Variants in ELAVL2 observed in about 807,000 individuals in gnomAD.
ELAVL2 encodes ELAV like RNA binding protein 2.
Under a neutral mutation model 34.6 loss-of-function variants are expected in ELAVL2, and 4 were observed. The observed-to-expected ratio is 0.12, with a 90% CI of 0.06 to 0.26. The LOEUF (loss-of-function observed/expected upper bound fraction) is 0.26, where lower values mean the gene tolerates loss of function less well. Among genes scored for constraint, ELAVL2 ranks in the 10% least tolerant of loss-of-function variants. The probability of loss-of-function intolerance (pLI) is 1.00; values close to 1 mark genes in which losing one functional copy is unlikely to be tolerated. For missense variants in ELAVL2, 432 were observed against 442.8 expected, an observed-to-expected ratio of 0.98 and a Z score of 0.22; for synonymous variants, 193 against 154.8, an observed-to-expected ratio of 1.25 and a Z score of -1.83.
intron 5 of ELAVL2, among the ~76,000 whole-genome samples, chr9:23,696,153 C>A (rs887699153): frequency 6.6e-6 from 1 of 152,106 alleles, no homozygotes; most frequent in African/African-American, 2.4e-5. Context: ...CCATCACCAA[C>A]GAGTGTAGGG....
chr9:23,770,235 T>G (rs2057066769), intron 1 of ELAVL2, among the ~76,000 whole-genome samples: 1 of 151,882 alleles, frequency 6.6e-6, no homozygotes, highest in Non-Finnish European at 1.5e-5. Flanking sequence ...TAGAGAAGAA[T>G]AAGGGGGGTT....
chr9:23,738,498 C>T (rs528356697), intron 2 of ELAVL2, among the ~76,000 whole-genome samples: 17 of 152,244 alleles, frequency 1.1e-4, no homozygotes, highest in Non-Finnish European at 2.2e-4. Context: ...TTCCTGAAAG[C>T]TGGGAGCATT....
chr9:23,728,228 A>G (rs187124753), intron 3 of ELAVL2, among the ~76,000 whole-genome samples: 28 of 152,206 alleles, frequency 1.8e-4, no homozygotes, highest in Admixed American at 1.4e-3. Flanking sequence ...AAGGGTAAAG[A>G]ATATAGACTT....
chr9:23,805,749 G>A (rs1381777311), intron 1 of ELAVL2, among the ~76,000 whole-genome samples: 1 of 152,048 alleles, frequency 6.6e-6, no homozygotes, highest in East Asian at 1.9e-4. Context: ...GATAGCCGAA[G>A]AGGGTTCCAC....
At chr9:23,698,387 A>G (rs574047792) in intron 5 of ELAVL2, among the ~76,000 whole-genome samples, 1 of 152,368 alleles carries the variant, frequency 6.6e-6, no homozygotes, top group Non-Finnish European at 1.5e-5. Flanking sequence ...TGACTAAGCC[A>G]TAAACCTCAC....
At chr9:23,850,151 A>C in the ELAVL2 span, among the ~76,000 whole-genome samples, 1 of 152,000 alleles carries the variant, frequency 6.6e-6, no homozygotes, top group Admixed American at 6.6e-5. Context: ...AACAAAAGGT[A>C]AAGGGGAGAG....
intron 2 of ELAVL2, among the ~76,000 whole-genome samples, chr9:23,747,744 C>G (rs991454968): frequency 6.6e-6 from 1 of 152,094 alleles, no homozygotes; most frequent in African/African-American, 2.4e-5. Context: ...CTCTTACAAC[C>G]CAGGGGAGGC....
intron 5 of ELAVL2, among the ~76,000 whole-genome samples, chr9:23,694,081 T>G (rs1319460234): frequency 6.6e-6 from 1 of 152,152 alleles, no homozygotes; most frequent in African/African-American, 2.4e-5. Flanking sequence ...CTCCCATTTC[T>G]CAAATGTGCT....
At chr9:23,733,760 T>C (rs774060995) in intron 2 of ELAVL2, among the ~76,000 whole-genome samples, 10 of 152,128 alleles carry the variant, frequency 6.6e-5, no homozygotes, top group Non-Finnish European at 1.3e-4. Flanking sequence ...GCTGTAGGCA[T>C]GGAAACATTT....
chr9:23,711,917 C>G (rs1266228413), intron 3 of ELAVL2, among the ~76,000 whole-genome samples: 2 of 152,122 alleles, frequency 1.3e-5, no homozygotes, highest in Non-Finnish European at 2.9e-5. Flanking sequence ...AAGCCACAAT[C>G]TTTGTCATAT....
At chr9:23,747,056 C>G (rs1248935425) in intron 2 of ELAVL2, among the ~76,000 whole-genome samples, 2 of 152,066 alleles carry the variant, frequency 1.3e-5, no homozygotes, top group Non-Finnish European at 2.9e-5. Flanking sequence ...TTCCACTAGC[C>G]GAGTACAGTA....
At chr9:23,709,898 A>G (rs1307010860) in intron 3 of ELAVL2, among the ~76,000 whole-genome samples, 3 of 152,218 alleles carry the variant, frequency 2.0e-5, no homozygotes, top group East Asian at 3.8e-4. Flanking sequence ...CTGAACACCA[A>G]TCTACTCCAA....
At chr9:23,780,887 G>C (rs2058967272) in intron 1 of ELAVL2, among the ~76,000 whole-genome samples, 1 of 152,136 alleles carries the variant, frequency 6.6e-6, no homozygotes, top group Non-Finnish European at 1.5e-5. Context: ...AAAACAGTCA[G>C]GGTTAGGAGT....
chr9:23,709,486 G>A (rs887849190), intron 3 of ELAVL2, among the ~76,000 whole-genome samples: 2 of 151,820 alleles, frequency 1.3e-5, no homozygotes, highest in African/African-American at 2.4e-5. Flanking sequence ...GATCTTACAG[G>A]TGCCTTCATA....
intron 3 of ELAVL2, among the ~76,000 whole-genome samples, chr9:23,727,081 T>G (rs1245000968): frequency 6.6e-6 from 1 of 152,092 alleles, no homozygotes; most frequent in Non-Finnish European, 1.5e-5. Context: ...TCTTAAAACA[T>G]TTTTGTAATA....
rs760255310 is a variant in ELAVL2, at chr9:23,691,767, C to T, written c.*790G>A. ...CATAAATCTTTCTAAATTTTCCAACCGCTGCAAATTTCCTGGTAAATTTTA... is the reference window on the plus strand; with the variant it reads ...CATAAATCTTTCTAAATTTTCCAACTGCTGCAAATTTCCTGGTAAATTTTA... On this transcript the variant is annotated 3_prime_UTR_variant, in exon 7 of 7. Transcript: ENST00000397312. The T allele has an allele frequency of 1.8e-4, 28 of 152,500 alleles. No homozygotes were observed. The highest frequency in any genetic ancestry group is 3.9e-4 in the Admixed American group (6 of 15,266). 9.4% of individuals were successfully genotyped at this position (152,500 alleles called of 1,614,324 possible).
At chr9:23,693,577 GA>G in intron 5 of ELAVL2, 91 bp from the exon 6 acceptor site, 1 of 1,449,274 alleles carries the variant, frequency 6.9e-7, no homozygotes, top group Non-Finnish European at 9.7e-7. Flanking sequence ...CTTCCGAGGG[GA>G]TATCTGTACA....
At chr9:23,799,860 T>C (rs978333598) in intron 1 of ELAVL2, among the ~76,000 whole-genome samples, 1 of 152,220 alleles carries the variant, frequency 6.6e-6, no homozygotes, top group Admixed American at 6.5e-5. Flanking sequence ...AAGCCCTTTG[T>C]AGTTTCCCAT....
At chr9:23,821,901 G>T (rs1280112594) in intron 1 of ELAVL2, 3 of 151,178 alleles carry the variant, frequency 2.0e-5, no homozygotes, top group South Asian at 4.1e-4. Flanking sequence ...GGCGGGGCCG[G>T]CGGCGAGTTC....
Sources: allele counts gnomAD v4.1 joint callset (sites outside exome capture counted in the v4.1 genomes callset), GRCh38; gene constraint gnomAD v4.1.1; transcripts MANE v1.5; gene names NCBI Gene and HGNC (gene_info 2026-07-23, HGNC 2026-07-21).